Variants in COL21A1 observed in about 807,000 individuals in gnomAD.
The protein encoded by COL21A1 is collagen type XXI alpha 1 chain.
A neutral mutation model predicts 137.9 loss-of-function variants in COL21A1; 149 were observed. The ratio of observed to expected loss-of-function variants is 1.08; its 90% CI spans 0.95 to 1.24. The LOEUF (loss-of-function observed/expected upper bound fraction) is 1.24. Ranked by LOEUF, COL21A1 falls within the 50% of genes most tolerant of loss-of-function variation. COL21A1 has a pLI of 0.00. For synonymous variants in COL21A1, 456 were observed against 391.5 expected, an observed-to-expected ratio of 1.16 and a Z score of -1.95; for missense variants, 1,167 against 1,158.4, an observed-to-expected ratio of 1.01 and a Z score of -0.11.
In COL21A1 at chr6:56,338,199, C is replaced by A. The variant is rs1243943928; in HGVS notation, c.-39+55772G>T. ...CAGGCTGGTCTTGAACTCCTGTCCT[C>A]ATGATCTGCCCGCCTGAGCCTCCCA... is the stretch of plus-strand genomic sequence containing the variant. On this transcript the variant is annotated intron_variant, in intron 1 of 28. Coordinates refer to the COL21A1 transcript ENST00000370819. Among the ~76,000 whole-genome samples, 8 of 152,056 alleles carry A rather than the reference C, an allele frequency of 5.3e-5. No individual in the cohort carries two copies. In the East Asian group the frequency reaches 1.5e-3, roughly 29 times the overall value.
chr6:56,246,688 G>A (rs543752931), intron 1 of COL21A1, among the ~76,000 whole-genome samples: 8 of 152,126 alleles, frequency 5.3e-5, no homozygotes, highest in South Asian at 2.1e-4. Context: ...CAGGGTTTTA[G>A]GTTCAGTGGG....
intron 1 of COL21A1, among the ~76,000 whole-genome samples, chr6:56,350,685 G>A (rs1040068933): frequency 6.6e-6 from 1 of 152,300 alleles, no homozygotes; most frequent in Middle Eastern, 3.4e-3. Flanking sequence ...AGAAGAAGAA[G>A]ATATAAGCAT....
In COL21A1 at chr6:56,179,198, A is replaced by G. The variant is rs145682531; in HGVS notation, c.640+380T>C. On this transcript the variant is annotated intron_variant, in intron 3 of 29. Transcript: ENST00000244728. ...GAAAAAAGGAAAAAAACTAGAATGT[A>G]AAGTACAGAAAAACTCATTAACGGG... 6.0e-3 allele frequency among the ~76,000 whole-genome samples: 918 copies of G among 152,144 alleles called. 9 individuals carry two copies. The highest frequency in any genetic ancestry group is 0.02 in the African/African-American group (826 of 41,558).
chr6:56,286,196 G>A (rs982256049), intron 1 of COL21A1, among the ~76,000 whole-genome samples: 1 of 152,304 alleles, frequency 6.6e-6, no homozygotes, highest in African/African-American at 2.4e-5. Flanking sequence ...TTAGAGAAGA[G>A]ACCATCCATA....
intron 1 of COL21A1, among the ~76,000 whole-genome samples, chr6:56,202,810 CT>C (rs771879597): frequency 3.9e-5 from 6 of 152,148 alleles, no homozygotes; most frequent in Non-Finnish European, 5.9e-5. Context: ...AAAATCTAAT[CT>C]GGCCATAGCA....
intron 1 of COL21A1, among the ~76,000 whole-genome samples, chr6:56,209,240 C>T (rs1779995057): frequency 6.6e-6 from 1 of 152,130 alleles, no homozygotes; most frequent in African/African-American, 2.4e-5. Context: ...ATGACTAAAA[C>T]ACCAAAAGCA....
chr6:56,133,587 C>A (rs1018802114), intron 12 of COL21A1, among the ~76,000 whole-genome samples: 2 of 152,184 alleles, frequency 1.3e-5, no homozygotes, highest in Admixed American at 1.3e-4. Context: ...TAATCTCCAA[C>A]AAAATGGCAA....
chr6:56,227,154 C>A (rs1289306456), intron 1 of COL21A1, among the ~76,000 whole-genome samples: 1 of 152,000 alleles, frequency 6.6e-6, no homozygotes, highest in Non-Finnish European at 1.5e-5. Context: ...AACCACAATT[C>A]TTGGCAGCTG....
At chr6:56,388,808 A>G (rs1012339555) in intron 1 of COL21A1, among the ~76,000 whole-genome samples, 8 of 152,228 alleles carry the variant, frequency 5.3e-5, no homozygotes, top group African/African-American at 1.9e-4. Flanking sequence ...CTAGTGACCA[A>G]TCTCAGAGTA....
chr6:56,174,585 T>TA (rs1777312231), intron 3 of COL21A1, among the ~76,000 whole-genome samples: 2 of 151,996 alleles, frequency 1.3e-5, no homozygotes, highest in South Asian at 4.1e-4. Context: ...CTAGAACATA[T>TA]AACCTACCAA....
chr6:56,085,147 A>G (rs1357520551), intron 17 of COL21A1, among the ~76,000 whole-genome samples: 1 of 152,054 alleles, frequency 6.6e-6, no homozygotes, highest in African/African-American at 2.4e-5. Context: ...ATGGTAATAT[A>G]TTAGATCTAT....
At chr6:56,243,763 A>C (rs1782486111) in intron 1 of COL21A1, among the ~76,000 whole-genome samples, 1 of 152,190 alleles carries the variant, frequency 6.6e-6, no homozygotes, top group Admixed American at 6.5e-5. Context: ...ACAACTAGAA[A>C]GTAATGAGGT....
intron 1 of COL21A1, among the ~76,000 whole-genome samples, chr6:56,265,130 G>T (rs1055761245): frequency 6.6e-6 from 1 of 152,192 alleles, no homozygotes; most frequent in African/African-American, 2.4e-5. Context: ...AGATGGCAAG[G>T]CTAAGACAGG....
intron 9 of COL21A1, among the ~76,000 whole-genome samples, chr6:56,158,550 T>G (rs930611608): frequency 2.6e-4 from 40 of 151,974 alleles, no homozygotes; most frequent in African/African-American, 9.7e-4. Flanking sequence ...GGTATTACAG[T>G]TGTGAACTAC....
intron 1 of COL21A1, among the ~76,000 whole-genome samples, chr6:56,305,834 G>A (rs183561074): frequency 0.014 from 2,047 of 151,476 alleles, 21 homozygotes; most frequent in Non-Finnish European, 0.021. Context: ...TAGCCTCGAT[G>A]GTCTTTACAA....
At chr6:56,223,930 A>G (rs773243637) in intron 1 of COL21A1, among the ~76,000 whole-genome samples, 2 of 151,720 alleles carry the variant, frequency 1.3e-5, no homozygotes, top group Non-Finnish European at 2.9e-5. Context: ...ATTTCCACCT[A>G]TTTTCCCAAA....
intron 1 of COL21A1, among the ~76,000 whole-genome samples, chr6:56,279,478 G>A (rs1046187652): frequency 1.3e-5 from 2 of 152,138 alleles, no homozygotes; most frequent in Non-Finnish European, 2.9e-5. Flanking sequence ...GCAACAGCAG[G>A]GGCCAGAATG....
chr6:56,347,936 T>C (rs1290826523), intron 1 of COL21A1, among the ~76,000 whole-genome samples: 3 of 152,208 alleles, frequency 2.0e-5, no homozygotes, highest in Non-Finnish European at 2.9e-5. Flanking sequence ...AACATATCAA[T>C]TTAATATTTA....
At chr6:56,127,170 C>T (rs1773113780) in intron 12 of COL21A1, among the ~76,000 whole-genome samples, 1 of 152,202 alleles carries the variant, frequency 6.6e-6, no homozygotes, top group Non-Finnish European at 1.5e-5. Context: ...CCCATCTCCA[C>T]TTCTAACAGA....
Sources: gnomAD v4.1 joint callset for allele counts (sites outside exome capture counted in the v4.1 genomes callset) on GRCh38, gnomAD v4.1.1 for gene constraint, MANE v1.5 for transcripts, NCBI Gene and HGNC (gene_info 2026-07-23, HGNC 2026-07-21) for gene names.